The following CLDND2 variants were observed in gnomAD, a reference collection of about 807,000 sequenced individuals.
The protein encoded by CLDND2 is claudin domain containing 2, also known as claudin domain-containing protein 2.
Under a neutral mutation model 17.7 loss-of-function variants are expected in CLDND2, and 18 were observed. The ratio of observed to expected loss-of-function variants is 1.02; its 90% CI spans 0.70 to 1.51. The LOEUF (loss-of-function observed/expected upper bound fraction) is 1.51, where lower values mean the gene tolerates loss of function less well. Among genes scored for constraint, CLDND2 ranks in the 40% most tolerant of loss-of-function variants. The pLI is 0.00. For missense variants in CLDND2, 233 were observed against 219.6 expected, an observed-to-expected ratio of 1.06 and a Z score of -0.39; for synonymous variants, 113 against 93.0, an observed-to-expected ratio of 1.22 and a Z score of -1.24.
Position 51,368,009 on chromosome 19 carries a change from C to T in CLDND2, c.187G>A (p.Val63Met). ...IPCQTTLAVTVACMVLAVGVG... is the reference protein window; with the variant it reads ...IPCQTTLAVTMACMVLAVGVG... ...CCCACCGCCAGCACCATGCACGCCA[C>T]AGTCACCGCCAGCGTGGCTGGGGAG... The change falls in exon 2 of 4, where the codon GTG becomes ATG. Residue 63 changes from valine to methionine, a missense_variant. Coordinates refer to ENST00000291715, the MANE Select transcript of CLDND2 (RefSeq NM_152353.3). The T allele has an allele frequency of 1.2e-6, 2 of 1,610,464 alleles. No homozygotes were observed. The highest frequency in any genetic ancestry group is 1.7e-6 in the Non-Finnish European group (2 of 1,178,650).
At chr19:51,368,291 G>T in intron 1 of CLDND2, 118 bp downstream of exon 1, 1 of 1,285,616 alleles carries the variant, frequency 7.8e-7, no homozygotes. Context: ...GCCGACAAGG[G>T]ACAGCTGCAA....
chr19:51,368,016 C>G lies in CLDND2; in HGVS notation c.180G>C (p.Ala60=), dbSNP rs199854670. The G allele has an allele frequency of 1.1e-5, 17 of 1,609,624 alleles. No homozygotes were observed. The East Asian group carries it at 3.8e-4, about 36-fold the overall frequency. ...CCAGCACCATGCACGCCACAGTCACCGCCAGCGTGGCTGGGGAGAGCGGGC... is the reference window on the plus strand; with the variant it reads ...CCAGCACCATGCACGCCACAGTCACGGCCAGCGTGGCTGGGGAGAGCGGGC... ...CSSIPCQTTL[A]VTVACMVLAV... is the part of the protein sequence containing the mutation. The change falls in exon 2 of 4, where the codon GCG becomes GCC. Residue 60 remains alanine, a synonymous_variant. Transcript: ENST00000291715.
chr19:51,368,117 C>G (rs1209888383), intron 1 of CLDND2, 91 bp from the exon 2 acceptor site: 12 of 1,383,454 alleles, frequency 8.7e-6, no homozygotes, highest in Non-Finnish European at 1.2e-5. Flanking sequence ...CTCCTGCCCC[C>G]AACCCGGTGT....
rs772403705 is a variant in CLDND2, at chr19:51,367,118, T to C, written c.*24A>G. The C allele has an allele frequency of 6.2e-7, 1 of 1,613,046 alleles. No homozygotes were observed. The highest frequency in any genetic ancestry group is 2.2e-5 in the East Asian group (1 of 44,874). ...GCAGCGCTAAAAAAAGCCGTTCCTTTATTCTGCCCCAGGCAGGCTGCAGTC... is the reference window on the plus strand; with the variant it reads ...GCAGCGCTAAAAAAAGCCGTTCCTTCATTCTGCCCCAGGCAGGCTGCAGTC... On this transcript the variant is annotated 3_prime_UTR_variant, in exon 4 of 4. Coordinates refer to ENST00000291715, the MANE Select transcript of CLDND2 (RefSeq NM_152353.3). This position sits in a 1 kb window ranked among gnomAD's most constrained non-coding sequence, Gnocchi z 7.4.
Position 51,367,108 on chromosome 19 carries a change from G to A in CLDND2, c.*34C>T, listed in dbSNP as rs777148133. The A allele has an allele frequency of 3.7e-6, 6 of 1,608,722 alleles. No homozygotes were observed. The highest frequency in any genetic ancestry group is 5.1e-6 in the Non-Finnish European group (6 of 1,175,366). ...ACGCGGAGCCGCAGCGCTAAAAAAA[G>A]CCGTTCCTTTATTCTGCCCCAGGCA... On this transcript the variant is annotated 3_prime_UTR_variant, in exon 4 of 4. Coordinates refer to ENST00000291715, the MANE Select transcript of CLDND2 (RefSeq NM_152353.3). The surrounding 1 kb of genome is among the most constrained non-coding windows in gnomAD (Gnocchi z 7.4).
chr19:51,366,740 C>T (rs1055221190), downstream of CLDND2, among the ~76,000 whole-genome samples: 1 of 152,042 alleles, frequency 6.6e-6, no homozygotes, highest in South Asian at 2.1e-4. Context: ...CTCTCCAAGT[C>T]GCGGTACTCG....
Position 51,367,590 on chromosome 19 carries a change from A to G in CLDND2, c.311-14T>C. On this transcript the variant is annotated splice_polypyrimidine_tract_variant and intron_variant, in intron 2 of 3. Transcript: ENST00000291715. This position sits in a 1 kb window ranked among gnomAD's most constrained non-coding sequence, Gnocchi z 7.4. ...GCAGCAGCAGTCCTGGGCCCCGCCC[A>G]GCCGCAAGATGAGCTAGCTGGGCCT... is the stretch of plus-strand genomic sequence containing the variant. The G allele has an allele frequency of 1.2e-6, 2 of 1,609,070 alleles. No homozygotes were observed. The highest frequency in any genetic ancestry group is 1.7e-6 in the Non-Finnish European group (2 of 1,177,826).
At position 51,367,836 on chromosome 19, in the gene CLDND2, C is replaced by T. The variant is rs1225710047; in HGVS notation, c.310+50G>A. The T allele has an allele frequency of 5.0e-6, 8 of 1,590,912 alleles. No homozygotes were observed. Among genetic ancestry groups the T allele is most frequent in the Non-Finnish European group, 6.8e-6 (8 of 1,173,104 alleles). ...TCCCCTGGCGACCAGGCCCCTCCAT[C>T]ACCCAGGGCCCGCCCCTGCCTGCCC... On this transcript the variant is annotated intron_variant, in intron 2 of 3. Transcript: ENST00000291715. The surrounding 1 kb of genome is among the most constrained non-coding windows in gnomAD (Gnocchi z 7.4).
Position 51,368,462 on chromosome 19 carries a change from C to G in CLDND2, c.116G>C (p.Ser39Thr). Residue 39 changes from serine to threonine, a missense_variant, in exon 1 of 4, where the codon AGT (serine) becomes ACT (threonine). Coordinates refer to ENST00000291715, the MANE Select transcript of CLDND2 (RefSeq NM_152353.3). The stretch of plus-strand genomic sequence containing the variant: ...GTGGTTGCATTCCTGCCACAGGCCA[C>G]TGTGGCCCTCTTGTTGGCGGGTCCA... Reference protein sequence around the residue: ...NYWTRQQEGHSGLWQECNHGI... With the variant: ...NYWTRQQEGHTGLWQECNHGI... 1 of 1,614,112 alleles carries G rather than the reference C, an allele frequency of 6.2e-7. No homozygotes were observed. The highest frequency in any genetic ancestry group is 8.5e-7 in the Non-Finnish European group (1 of 1,180,006).
Position 51,367,331 on chromosome 19 carries a change from G to T in CLDND2, c.431-116C>A. 1 of 1,381,518 alleles carries T rather than the reference G, an allele frequency of 7.2e-7. No homozygotes were observed. Among genetic ancestry groups the T allele is most frequent in the Non-Finnish European group, 1.0e-6 (1 of 986,438 alleles). 85.6% of individuals were successfully genotyped at this position (1,381,518 alleles called of 1,614,324 possible). On this transcript the variant is annotated intron_variant, in intron 3 of 3. Coordinates refer to ENST00000291715, the MANE Select transcript of CLDND2 (RefSeq NM_152353.3). This position sits in a 1 kb window ranked among gnomAD's most constrained non-coding sequence, Gnocchi z 7.4. ...AAGGGGGTCTCTGCCGGGTCTGCGG[G>T]AGTCGTTAGTGTGTTGGGGAGTCCC... is the stretch of plus-strand genomic sequence containing the variant.
At chr19:51,367,061 T>A, downstream of CLDND2, 1 of 1,347,784 alleles carries the variant, frequency 7.4e-7, no homozygotes, top group Non-Finnish European at 1.1e-6. This position sits in a 1 kb window ranked among gnomAD's most constrained non-coding sequence, Gnocchi z 7.4. Flanking sequence ...CGTGCCTGCG[T>A]CCCCACGACC....
rs779215082 is a variant in CLDND2 at position 51,367,625 on chromosome 19, T to G, written c.311-49A>C. 3 of 1,583,330 alleles carry G rather than the reference T, an allele frequency of 1.9e-6. No homozygotes were observed. The highest frequency in any genetic ancestry group is 2.6e-6 in the Non-Finnish European group (3 of 1,164,464). On this transcript the variant is annotated intron_variant, in intron 2 of 3. Coordinates refer to ENST00000291715, the MANE Select transcript of CLDND2 (RefSeq NM_152353.3). The surrounding 1 kb of genome is among the most constrained non-coding windows in gnomAD (Gnocchi z 7.4). ...TGAGCTAGCTGGGCCTGGTGGGGGC[T>G]GCACCCAGGCCACGCCCCTTCAGAC...
rs1167661295 is a variant in CLDND2, at chr19:51,367,945, C to G, written c.251G>C (p.Arg84Pro). The G allele has an allele frequency of 1.2e-6, 2 of 1,612,908 alleles. No individual in the cohort carries two copies. The highest frequency in any genetic ancestry group is 8.5e-7 in the Non-Finnish European group (1 of 1,179,666). Residue 84 changes from arginine (R) to proline (P), a missense_variant, in exon 2 of 4, where the codon CGG (arginine) becomes CCG (proline). Physicochemically the swap from Arg to Pro is moderately radical, Grantham distance 103. Transcript: ENST00000291715. The surrounding 1 kb of genome is among the most constrained non-coding windows in gnomAD (Gnocchi z 7.4). ...VVGMVMGLRI[R>P]CDEGESLRGQ... Reference sequence around the variant, plus strand: ...CCGCAGCGACTCGCCCTCGTCGCACCGAATCCGCAGTCCCATCACCATGCC... The same window carrying G: ...CCGCAGCGACTCGCCCTCGTCGCACGGAATCCGCAGTCCCATCACCATGCC...
In CLDND2 at chr19:51,367,155, G is replaced by A. The variant is rs777181361; in HGVS notation, c.491C>T (p.Pro164Leu). The A allele has an allele frequency of 3.7e-6, 6 of 1,614,104 alleles. No homozygotes were observed. The highest frequency in any genetic ancestry group is 5.1e-6 in the Non-Finnish European group (6 of 1,180,026). Residue 164 changes from proline to leucine, a missense_variant, in exon 4 of 4, where the codon CCC (proline) becomes CTC (leucine). Pro to Leu is a moderately conservative substitution (Grantham distance 98). Coordinates refer to ENST00000291715, the MANE Select transcript of CLDND2 (RefSeq NM_152353.3). This position sits in a 1 kb window ranked among gnomAD's most constrained non-coding sequence, Gnocchi z 7.4. Reference sequence around the variant, plus strand: ...GGCAGGCTGCAGTCACAGACACACGGGGAATCCACTGATGGCGTCGGTGCT... The same window carrying A: ...GGCAGGCTGCAGTCACAGACACACGAGGAATCCACTGATGGCGTCGGTGCT... ...MQSTDAISGF[P>L]VCL
Position 51,368,885 on chromosome 19 carries a change from C to G in CLDND2, c.-308G>C. ...CTTCCCAGAGACCTCCCCCGACAGCCGAACGCCCTTTCAGCCCAGCCTGTT... is the reference window on the plus strand; with the variant it reads ...CTTCCCAGAGACCTCCCCCGACAGCGGAACGCCCTTTCAGCCCAGCCTGTT... On this transcript the variant is annotated 5_prime_UTR_variant, in exon 1 of 4. Transcript: ENST00000291715. 1 of 304,106 alleles carries G rather than the reference C, an allele frequency of 3.3e-6. No homozygotes were observed. The highest frequency in any genetic ancestry group is 7.2e-5 in the East Asian group (1 of 13,966). The allele number at this position is 304,106 out of a possible 1,614,324, so 18.8% of individuals were successfully genotyped here.
chr19:51,367,409 G>A lies in CLDND2; in HGVS notation c.430+48C>T. ...GGCAGCTGGGGAGCCTCTGGGGTGA[G>A]GGTCTTCTGGGCAGTCTCCTCCACC... is the stretch of plus-strand genomic sequence containing the variant. On this transcript the variant is annotated intron_variant, in intron 3 of 3. Transcript: ENST00000291715. This position sits in a 1 kb window ranked among gnomAD's most constrained non-coding sequence, Gnocchi z 7.4. 1.9e-6 allele frequency: 3 copies of A among 1,549,726 alleles called. No homozygotes were observed. The highest frequency in any genetic ancestry group is 2.6e-6 in the Non-Finnish European group (3 of 1,136,698).
rs1986526562 is a variant in CLDND2, at chr19:51,368,406, C to A, written c.169+3G>T. On this transcript the variant is annotated splice_donor_region_variant and intron_variant, in intron 1 of 3. Transcript: ENST00000291715. Reference sequence around the variant, plus strand: ...TCTGACATCTGGGCGGGCGGAGCCTCACTCTGGCAGGGGATGCTGGAGCAG... The same window carrying A: ...TCTGACATCTGGGCGGGCGGAGCCTAACTCTGGCAGGGGATGCTGGAGCAG... The A allele has an allele frequency of 1.9e-6, 3 of 1,609,922 alleles. No individual in the cohort carries two copies. Among genetic ancestry groups the A allele is most frequent in the Middle Eastern group, 1.7e-4 (1 of 6,034 alleles).
Position 51,368,041 on chromosome 19 carries a change from C to T in CLDND2, c.170-15G>A, listed in dbSNP as rs115724427. On this transcript the variant is annotated splice_polypyrimidine_tract_variant and intron_variant, in intron 1 of 3. Coordinates refer to ENST00000291715, the MANE Select transcript of CLDND2 (RefSeq NM_152353.3). ...CGCCAGCGTGGCTGGGGAGAGCGGGCGCATCAGCCCCCGCGGGCGCCGCCC... is the reference window on the plus strand; with the variant it reads ...CGCCAGCGTGGCTGGGGAGAGCGGGTGCATCAGCCCCCGCGGGCGCCGCCC... The T allele has an allele frequency of 1.4e-3, 2,159 of 1,594,122 alleles. 31 individuals carry two copies. The African/African-American group carries it at 0.026, about 19-fold the overall frequency.
Position 51,367,837 on chromosome 19 carries a change from A to G in CLDND2, c.310+49T>C. On this transcript the variant is annotated intron_variant, in intron 2 of 3. Transcript: ENST00000291715. The surrounding 1 kb of genome is among the most constrained non-coding windows in gnomAD (Gnocchi z 7.4). ...CCCCTGGCGACCAGGCCCCTCCATCACCCAGGGCCCGCCCCTGCCTGCCCG... is the reference window on the plus strand; with the variant it reads ...CCCCTGGCGACCAGGCCCCTCCATCGCCCAGGGCCCGCCCCTGCCTGCCCG... 6.3e-7 allele frequency: 1 copy of G among 1,589,078 alleles called. No individual in the cohort carries two copies. Among genetic ancestry groups the G allele is most frequent in the South Asian group, 1.1e-5 (1 of 89,164 alleles).
Sources: allele counts gnomAD v4.1 joint callset (sites outside exome capture counted in the v4.1 genomes callset), GRCh38; gene constraint gnomAD v4.1.1; non-coding constraint Gnocchi (gnomAD v3.1); transcripts MANE v1.5; gene names NCBI Gene and HGNC (gene_info 2026-07-23, HGNC 2026-07-21).